Variants in KMT2B observed in about 807,000 individuals in gnomAD.
The protein encoded by KMT2B is lysine methyltransferase 2B, also known as histone-lysine N-methyltransferase 2B.
In KMT2B, 22 loss-of-function variants were observed where a neutral mutation model predicts 255.3. The ratio of observed to expected loss-of-function variants is 0.09; its 90% confidence interval spans 0.06 to 0.12. The LOEUF is 0.12. KMT2B is among the 10% of genes least tolerant of loss of function. KMT2B has a pLI of 1.00. For missense variants in KMT2B, 3,149 were observed against 3,737.0 expected (o/e 0.84, Z 4.10); for synonymous variants, 1,730 against 1,498.1 (o/e 1.15, Z -3.57).
Position 35,736,903 on chromosome 19 carries a change from T to C in KMT2B, c.7298-9T>C, listed in dbSNP as rs770994061. On this transcript the variant is annotated splice_polypyrimidine_tract_variant and intron_variant, in intron 31 of 36. Coordinates refer to ENST00000420124, the MANE Select transcript of KMT2B (RefSeq NM_014727.3). The stretch of plus-strand genomic sequence containing the variant: ...TCCTGACTCAGCTCTGGCTCTGCTG[T>C]CTCCCCAGGGGCGTGGAGAACTCTG... 5.6e-6 allele frequency: 9 copies of C among 1,613,644 alleles called. No individual in the cohort carries two copies. The Admixed American group carries it at 1.2e-4, about 21-fold the overall frequency.
chr19:35,730,155 C>T (rs1464260389), intron 23 of KMT2B, 30 bp downstream of exon 23: 3 of 1,612,284 alleles, frequency 1.9e-6, no homozygotes, highest in Non-Finnish European at 2.5e-6. Context: ...TACACGGTTC[C>T]TTCCCCACCT....
In KMT2B at chr19:35,728,969, C is replaced by G; in HGVS notation, c.4688-16C>G. The G allele has an allele frequency of 6.2e-7, 1 of 1,613,858 alleles. No individual in the cohort carries two copies. Among genetic ancestry groups the G allele is most frequent in the Non-Finnish European group, 8.5e-7 (1 of 1,179,740 alleles). ...GGGTCCTGATTCTTAGACCTCCCTT[C>G]ACATTTCCTCTTCAGCATTCCAGGG... On this transcript the variant is annotated splice_polypyrimidine_tract_variant and intron_variant, in intron 20 of 36. Coordinates refer to ENST00000420124, the MANE Select transcript of KMT2B (RefSeq NM_014727.3).
chr19:35,724,904 G>C, intron 9 of KMT2B, 85 bp from the exon 10 acceptor site: 6 of 1,210,036 alleles, frequency 5.0e-6, no homozygotes, highest in Non-Finnish European at 7.3e-6. Flanking sequence ...TCTGGGTCCA[G>C]TAGGCTGGGG....
Position 35,733,551 on chromosome 19 carries a change from G to C in KMT2B, c.6959+43G>C, listed in dbSNP as rs1314005755. The C allele has an allele frequency of 3.2e-6, 5 of 1,555,724 alleles. No individual in the cohort carries two copies. The South Asian group carries it at 4.7e-5, about 15-fold the overall frequency. ...GGCTGGCAGAGCAGGCAAGGGGGCA[G>C]ATGGGCGGGAGATGCGGCTCATCCT... On this transcript the variant is annotated intron_variant, in intron 28 of 36. Transcript: ENST00000420124. This position sits in a 1 kb window ranked among gnomAD's most constrained non-coding sequence, Gnocchi z 4.3.
At position 35,722,430 on chromosome 19, in the gene KMT2B, G is replaced by T. The variant is rs1405034547; in HGVS notation, c.2529G>T (p.Arg843=). The part of the protein sequence containing the change: ...VKQISDRGPV[R]SEDESVEAKR... The stretch of plus-strand genomic sequence containing the variant: ...AGATCTCCGACAGAGGCCCTGTCCG[G>T]TCTGAAGATGAGTCGGTGGAAGCTA... Residue 843 remains arginine (R), a synonymous_variant, in exon 4 of 37, where the codon CGG becomes CGT. Transcript: ENST00000420124. 3 of 1,610,486 alleles carry T rather than the reference G, an allele frequency of 1.9e-6. No homozygotes were observed. In the South Asian group the frequency reaches 3.3e-5, roughly 18 times the overall value.
rs1164701227 is a variant in KMT2B at position 35,724,701 on chromosome 19, G to C, written c.3399G>C (p.Leu1133Phe). 6.3e-7 allele frequency: 1 copy of C among 1,597,058 alleles called. No homozygotes were observed. The highest frequency in any genetic ancestry group is 8.5e-7 in the Non-Finnish European group (1 of 1,172,290). ...GCAAACCTACCCTGCAGCCTGTGTT[G>C]CAGCTCAAGGCCCGAAGGCGCCTGG... ...RPRKPTLQPV[L>F]QLKARRRLDK... Residue 1133 changes from leucine to phenylalanine, a missense_variant, in exon 9 of 37, where the codon TTG becomes TTC. Physicochemically the swap from Leu to Phe is conservative, Grantham distance 22. Coordinates refer to ENST00000420124, the MANE Select transcript of KMT2B (RefSeq NM_014727.3).
chr19:35,725,375 C>A lies in KMT2B; in HGVS notation c.3642+42C>A, dbSNP rs184100677. On this transcript the variant is annotated intron_variant, in intron 11 of 36. Transcript: ENST00000420124. This position sits in a 1 kb window ranked among gnomAD's most constrained non-coding sequence, Gnocchi z 4.1. ...TCTTCACAGACCCCCAGCTCTCTGT[C>A]GGTCCTCACGGCCTGATTCCTTGGG... 1.9e-6 allele frequency: 3 copies of A among 1,560,158 alleles called. No individual in the cohort carries two copies. Among genetic ancestry groups the A allele is most frequent in the South Asian group, 1.2e-5 (1 of 84,452 alleles).
intron 8 of KMT2B, 36 bp downstream of exon 8, chr19:35,724,043 T>C: frequency 2.6e-6 from 4 of 1,532,438 alleles, no homozygotes; most frequent in Non-Finnish European, 3.5e-6. Context: ...GTTGATCATT[T>C]ATTTGGTCTT....
chr19:35,733,309 C>T lies in KMT2B; in HGVS notation c.6760C>T (p.Pro2254Ser). The T allele has an allele frequency of 1.4e-6, 2 of 1,411,918 alleles. No individual in the cohort carries two copies. The highest frequency in any genetic ancestry group is 2.5e-5 in the East Asian group (1 of 40,096). The allele number at this position is 1,411,918 out of a possible 1,614,324, so 87.5% of individuals were successfully genotyped here. Residue 2254 changes from proline (P) to serine (S), a missense_variant, in exon 28 of 37, where the codon CCC (proline) becomes TCC (serine). Pro to Ser is a moderately conservative substitution (Grantham distance 74). This residue lies in a region of KMT2B where 897 missense variants were observed against 825.3 expected (regional missense o/e 1.09). Coordinates refer to ENST00000420124, the MANE Select transcript of KMT2B (RefSeq NM_014727.3). The surrounding 1 kb of genome is among the most constrained non-coding windows in gnomAD (Gnocchi z 4.3). ...GGTCGGAGTGGTCCGCCCTGCCCCG[C>T]CCCCGCCACCCCCTCCCCTGACGCT... ...PVVGVVRPAP[P>S]PPPPPLTLVL...
chr19:35,727,938 A>G lies in KMT2B; in HGVS notation c.4450A>G (p.Thr1484Ala). ...ILMRHSEEGETPDRRAGGQMK... is the reference protein window; with the variant it reads ...ILMRHSEEGEAPDRRAGGQMK... ...CATGCGGCACTCGGAGGAGGGAGAG[A>G]CCCCGGACCGCCGGGCTGGAGGCCA... Residue 1484 changes from threonine to alanine, a missense_variant, in exon 18 of 37, where the codon ACC becomes GCC. Around this residue, in one of 18 missense-constraint regions of KMT2B, gnomAD observed 377 missense variants for 471.0 expected, o/e 0.80. Transcript: ENST00000420124. The surrounding 1 kb of genome is among the most constrained non-coding windows in gnomAD (Gnocchi z 4.2). 6.3e-7 allele frequency: 1 copy of G among 1,593,636 alleles called. No homozygotes were observed. Among genetic ancestry groups the G allele is most frequent in the Non-Finnish European group, 8.6e-7 (1 of 1,168,256 alleles).
Position 35,726,432 on chromosome 19 carries a change from C to T in KMT2B, c.4003+79C>T, listed in dbSNP as rs16970648. 70,878 of 929,988 alleles carry T rather than the reference C, an allele frequency of 0.076. 3,283 individuals are homozygous for T. The highest frequency in any genetic ancestry group is 0.16 in the African/African-American group (10,102 of 61,650). 57.6% of individuals were successfully genotyped at this position (929,988 alleles called of 1,614,324 possible). A position where few individuals can be genotyped will look rare whatever the true frequency, so the allele number is the denominator to read the frequency against. ...CTCTTTTACAGGCTTTAGCACAGACCCTCTTTTCTCATGGCTTTCCACCTT... is the reference window on the plus strand; with the variant it reads ...CTCTTTTACAGGCTTTAGCACAGACTCTCTTTTCTCATGGCTTTCCACCTT... On this transcript the variant is annotated intron_variant, in intron 14 of 36. Transcript: ENST00000420124.
At position 35,723,830 on chromosome 19, in the gene KMT2B, G is replaced by A; in HGVS notation, c.3157G>A (p.Gly1053Arg). 1 of 1,595,804 alleles carries A rather than the reference G, an allele frequency of 6.3e-7. No homozygotes were observed. Among genetic ancestry groups the A allele is most frequent in the Non-Finnish European group, 8.5e-7 (1 of 1,170,812 alleles). ...PGPRRGAGAG[G>R]PREEVVAHPG... ...CCCACGCCGGGGGGCGGGAGCTGGG[G>A]GGCCCCGGGAGGAGGTGGTGGCCCA... Residue 1053 changes from glycine to arginine, a missense_variant, in exon 8 of 37, where the codon GGG (glycine) becomes AGG (arginine). Around this residue, in one of 18 missense-constraint regions of KMT2B, gnomAD observed 50 missense variants for 71.9 expected, o/e 0.70. Transcript: ENST00000420124. The surrounding 1 kb of genome is among the most constrained non-coding windows in gnomAD (Gnocchi z 7.5).
intron 3 of KMT2B, among the ~76,000 whole-genome samples, chr19:35,722,144 A>AT (rs1359784328): frequency 1.8e-4 from 27 of 151,898 alleles, no homozygotes; most frequent in African/African-American, 5.1e-4. Flanking sequence ...AGCTGGGACT[A>AT]CAGGTGCCCA....
At chr19:35,726,936 A>T (rs1036041596) in intron 14 of KMT2B, among the ~76,000 whole-genome samples, 1 of 145,938 alleles carries the variant, frequency 6.9e-6, no homozygotes. Context: ...GTGAGCGGAG[A>T]TCTTGCCACT....
intron 30 of KMT2B, chr19:35,736,487 G>A: frequency 1.6e-6 from 1 of 614,942 alleles, no homozygotes; most frequent in East Asian, 2.9e-5. Context: ...TGCAGAAGAG[G>A]AGCCGCAGGC....
At chr19:35,731,040 G>A (rs1414206965) in intron 26 of KMT2B, among the ~76,000 whole-genome samples, 173 bp downstream of exon 26, 1 of 152,278 alleles carries the variant, frequency 6.6e-6, no homozygotes, top group Non-Finnish European at 1.5e-5. Flanking sequence ...GCTGTGCCCG[G>A]CTTTTCATGG....
chr19:35,720,181 C>G lies in KMT2B; in HGVS notation c.834C>G (p.Thr278=), dbSNP rs760242739. 2.5e-6 allele frequency: 4 copies of G among 1,605,836 alleles called. No homozygotes were observed. In the African/African-American group the frequency reaches 5.3e-5, roughly 21 times the overall value. The change falls in exon 3 of 37, where the codon ACC becomes ACG. Residue 278 remains threonine (T), a synonymous_variant. Transcript: ENST00000420124. ...AGGGGCCCGGTCCAGGACCTGGGAC[C>G]CCCAGGCGTGGAGGACAGTCAAGCC... ...CKEGPGPGPG[T]PRRGGQSSRG...
chr19:35,723,937 C>G lies in KMT2B; in HGVS notation c.3264C>G (p.Ile1088Met), dbSNP rs748078639. ...TCAAACAGCGACCCTCCTATGATAT[C>G]TTCGAGGATTCGGATGACTCGGAGC... ...RCVKQRPSYDIFEDSDDSEPG... is the reference protein window; with the variant it reads ...RCVKQRPSYDMFEDSDDSEPG... Residue 1088 changes from isoleucine to methionine, a missense_variant, in exon 8 of 37, where the codon ATC (isoleucine) becomes ATG (methionine). Around this residue, in one of 18 missense-constraint regions of KMT2B, gnomAD observed 136 missense variants for 137.3 expected, o/e 0.99. Coordinates refer to ENST00000420124, the MANE Select transcript of KMT2B (RefSeq NM_014727.3). This position sits in a 1 kb window ranked among gnomAD's most constrained non-coding sequence, Gnocchi z 7.5. 2 of 1,612,112 alleles carry G rather than the reference C, an allele frequency of 1.2e-6. No homozygotes were observed. Among genetic ancestry groups the G allele is most frequent in the East Asian group, 2.2e-5 (1 of 44,874 alleles).
At position 35,719,449 on chromosome 19, in the gene KMT2B, A is replaced by G. The variant is rs970995011; in HGVS notation, c.364-20A>G. On this transcript the variant is annotated intron_variant, in intron 1 of 36. Coordinates refer to ENST00000420124, the MANE Select transcript of KMT2B (RefSeq NM_014727.3). ...GCACTGACTGCTGTTTCTCCCCTCC[A>G]CCCCGGTCCCCTAAATCAGGAGTTT... The G allele has an allele frequency of 6.4e-7, 1 of 1,561,250 alleles. No individual in the cohort carries two copies. The highest frequency in any genetic ancestry group is 8.7e-7 in the Non-Finnish European group (1 of 1,151,658).
Sources: gnomAD v4.1 joint callset for allele counts (sites outside exome capture counted in the v4.1 genomes callset) on GRCh38, gnomAD v4.1.1 for gene constraint, gnomAD v4.1.1 regional missense constraint, Gnocchi (gnomAD v3.1) non-coding constraint, MANE v1.5 for transcripts, NCBI Gene and HGNC (gene_info 2026-07-23, HGNC 2026-07-21) for gene names.